Variants in TENT4B observed in about 807,000 individuals in gnomAD.
The protein encoded by TENT4B is terminal nucleotidyltransferase 4B, also known as PAP associated domain containing 5.
In TENT4B, 10 loss-of-function variants were observed where a neutral mutation model predicts 75.0. The observed-to-expected ratio is 0.13, with a 90% confidence interval of 0.08 to 0.23. The LOEUF is 0.23. Among genes scored for constraint, TENT4B ranks in the 10% least tolerant of loss-of-function variants. TENT4B has a pLI of 1.00. For missense variants in TENT4B, 579 were observed against 893.8 expected (o/e 0.65, Z 4.49); for synonymous variants, 350 against 357.7 (o/e 0.98, Z 0.24).
At position 50,154,276 on chromosome 16, in the gene TENT4B, C is replaced by T; in HGVS notation, c.638+17C>T. 7.2e-7 allele frequency: 1 copy of T among 1,397,498 alleles called. No individual in the cohort carries two copies. Among genetic ancestry groups the T allele is most frequent in the Non-Finnish European group, 9.2e-7 (1 of 1,082,214 alleles). 86.6% of individuals were successfully genotyped at this position (1,397,498 alleles called of 1,614,324 possible). On this transcript the variant is annotated intron_variant, in intron 1 of 11. Coordinates refer to ENST00000561678, the MANE Select transcript of TENT4B (RefSeq NM_001365324.3). ...AGTCGTGGGGTGAGTGCTGGCTCTG[C>T]GGCCCGATGGCCTGGCCGGTGCGAA... is the stretch of plus-strand genomic sequence containing the variant.
At chr16:50,203,036 T>G (rs1446588711) in intron 1 of TENT4B, among the ~76,000 whole-genome samples, 1 of 152,232 alleles carries the variant, frequency 6.6e-6, no homozygotes, top group Non-Finnish European at 1.5e-5. Flanking sequence ...AAAACTGTAA[T>G]TTAGGACACA....
chr16:50,201,264 C>T (rs936582571), intron 1 of TENT4B, among the ~76,000 whole-genome samples: 5 of 152,090 alleles, frequency 3.3e-5, no homozygotes, highest in African/African-American at 4.8e-5. Flanking sequence ...GGGCTGGATG[C>T]GGTGGCTCAC....
At chr16:50,222,961 G>T (rs777994467) in intron 6 of TENT4B, among the ~76,000 whole-genome samples, 2 of 152,194 alleles carry the variant, frequency 1.3e-5, no homozygotes, top group Non-Finnish European at 1.5e-5. Context: ...GTAAAATTCA[G>T]CCTTACAAAC....
At position 50,225,165 on chromosome 16, in the gene TENT4B, AAATG is replaced by A. The variant is rs1567514359; in HGVS notation, c.1683_1686del (p.Asn561LysfsTer39). 1 of 1,613,694 alleles carries A rather than the reference AAATG, an allele frequency of 6.2e-7. No homozygotes were observed. The highest frequency in any genetic ancestry group is 1.7e-5 in the Admixed American group (1 of 59,984). On this transcript the variant is annotated frameshift_variant, in exon 10 of 12. Transcript: ENST00000561678. LOFTEE classifies it high-confidence loss of function. ...AATGTAATAATAATCTATCTGAAGA[AAATG>A]AAGCCCTTGGAAAATGTAGAAGTAA...
At chr16:50,206,130 C>T (rs1356441449) in intron 1 of TENT4B, among the ~76,000 whole-genome samples, 1 of 152,036 alleles carries the variant, frequency 6.6e-6, no homozygotes, top group African/African-American at 2.4e-5. Context: ...CTGTGGTGAG[C>T]ATCCTTATAC....
chr16:50,178,924 C>A (rs1354798945), intron 1 of TENT4B, among the ~76,000 whole-genome samples: 1 of 151,934 alleles, frequency 6.6e-6, no homozygotes, highest in African/African-American at 2.4e-5. Flanking sequence ...GTACTTAATA[C>A]CACTGAACTG....
chr16:50,186,041 T>C (rs2038520106), intron 1 of TENT4B, among the ~76,000 whole-genome samples: 1 of 152,206 alleles, frequency 6.6e-6, no homozygotes, highest in Non-Finnish European at 1.5e-5. Flanking sequence ...TTTCTTATTG[T>C]GGTAAAATAT....
At chr16:50,228,662 G>A (rs750354722) in intron 11 of TENT4B, among the ~76,000 whole-genome samples, 6 of 152,112 alleles carry the variant, frequency 3.9e-5, no homozygotes, top group Non-Finnish European at 7.3e-5. Flanking sequence ...TTACCTACGC[G>A]GCCTTAGCCA....
chr16:50,184,328 A>G (rs900754264), intron 1 of TENT4B, among the ~76,000 whole-genome samples: 23 of 152,258 alleles, frequency 1.5e-4, no homozygotes, highest in Admixed American at 2.6e-4. Context: ...TTGTTTATCT[A>G]TTCATCAGTT....
chr16:50,206,084 A>G (rs1019148131), intron 1 of TENT4B, among the ~76,000 whole-genome samples: 4 of 152,150 alleles, frequency 2.6e-5, no homozygotes, highest in African/African-American at 9.7e-5. Context: ...ATGGACATTG[A>G]TATCATTTCT....
chr16:50,210,231 C>T (rs1016139626), intron 1 of TENT4B, among the ~76,000 whole-genome samples: 6 of 152,230 alleles, frequency 3.9e-5, no homozygotes, highest in African/African-American at 9.6e-5. Context: ...CATAGCTCTT[C>T]ACAGCCTCAC....
At chr16:50,227,162 C>T (rs1321259947) in intron 10 of TENT4B, among the ~76,000 whole-genome samples, 2 of 152,198 alleles carry the variant, frequency 1.3e-5, no homozygotes, top group Non-Finnish European at 2.9e-5. Context: ...CATAAATCCT[C>T]CTGTGCAGAA....
intron 1 of TENT4B, among the ~76,000 whole-genome samples, chr16:50,204,221 G>T (rs1438836424): frequency 6.6e-6 from 1 of 152,154 alleles, no homozygotes; most frequent in Non-Finnish European, 1.5e-5. Flanking sequence ...CAGTTTGGAG[G>T]CTGCCATAGT....
intron 1 of TENT4B, among the ~76,000 whole-genome samples, chr16:50,154,470 C>G (rs1452413306): frequency 6.6e-6 from 1 of 152,056 alleles, no homozygotes; most frequent in African/African-American, 2.4e-5. Flanking sequence ...CCTCCGTCTC[C>G]TGTCCTCCCT....
rs993982144 is a variant in TENT4B, at chr16:50,154,004, C to T, written c.383C>T (p.Ser128Leu). The T allele has an allele frequency of 5.0e-5, 77 of 1,533,852 alleles. No individual in the cohort carries two copies. Among genetic ancestry groups the T allele is most frequent in the Non-Finnish European group, 6.6e-5 (76 of 1,145,948 alleles). The change falls in exon 1 of 12, where the codon TCG becomes TTG. Residue 128 changes from serine (S) to leucine (L), a missense_variant. Physicochemically the swap from Ser to Leu is moderately radical, Grantham distance 145. Transcript: ENST00000561678. ...GCCTGGGCCCGCCGGGCGGGCTCCT[C>T]GGCGTCCTCGCCTCCCTCGGCGTCC... ...PGAWARRAGSSASSPPSASSS... is the reference protein window; with the variant it reads ...PGAWARRAGSLASSPPSASSS...
intron 1 of TENT4B, among the ~76,000 whole-genome samples, chr16:50,164,653 A>G (rs1175484152): frequency 6.6e-6 from 1 of 152,182 alleles, no homozygotes; most frequent in Non-Finnish European, 1.5e-5. Context: ...AGTCGAGGCC[A>G]GAACTTAGAA....
chr16:50,220,496 A>G (rs1358711187), intron 5 of TENT4B, among the ~76,000 whole-genome samples: 1 of 151,840 alleles, frequency 6.6e-6, no homozygotes, highest in Non-Finnish European at 1.5e-5. Flanking sequence ...TGTTCTTTGA[A>G]AGGGAACTGT....
chr16:50,173,031 C>T (rs879414522), intron 1 of TENT4B, among the ~76,000 whole-genome samples: 4 of 152,120 alleles, frequency 2.6e-5, no homozygotes, highest in Non-Finnish European at 5.9e-5. Context: ...AACTCTCCGC[C>T]TCCTGGGTTC....
intron 1 of TENT4B, among the ~76,000 whole-genome samples, chr16:50,183,285 C>A (rs1256449797): frequency 6.6e-6 from 1 of 151,990 alleles, no homozygotes; most frequent in East Asian, 1.9e-4. Context: ...CTCAGGTGAT[C>A]CACCCACCTG....
Sources: gnomAD v4.1 joint callset for allele counts (sites outside exome capture counted in the v4.1 genomes callset) on GRCh38, gnomAD v4.1.1 for gene constraint, MANE v1.5 for transcripts, NCBI Gene and HGNC (gene_info 2026-07-23, HGNC 2026-07-21) for gene names.